The following DLC1 variants were observed in gnomAD, a reference collection of about 807,000 sequenced individuals.
DLC1 encodes the protein rho GTPase-activating protein 7.
In DLC1, 54 loss-of-function variants were observed where a neutral mutation model predicts 140.3. The observed-to-expected ratio is 0.38, with a 90% CI of 0.31 to 0.48. The LOEUF (loss-of-function observed/expected upper bound fraction) is 0.48, where lower values mean the gene tolerates loss of function less well. Among genes scored for constraint, DLC1 ranks in the 20% least tolerant of loss-of-function variants. The pLI, the probability that DLC1 is intolerant of heterozygous loss-of-function variation, is 0.96. For synonymous variants in DLC1, 986 were observed against 728.1 expected (o/e 1.35, Z -5.70); for missense variants, 2,536 against 1,907.0 (o/e 1.33, Z -6.14).
chr8:13,444,800 G>A (rs931678520), intron 2 of DLC1, among the ~76,000 whole-genome samples: 21 of 152,176 alleles, frequency 1.4e-4, no homozygotes, highest in Admixed American at 3.9e-4. Context: ...GACTATAATC[G>A]TTCAAGGAAA....
chr8:13,436,431 C>T (rs1479552159), intron 2 of DLC1, among the ~76,000 whole-genome samples: 4 of 152,124 alleles, frequency 2.6e-5, no homozygotes, highest in African/African-American at 7.2e-5. Flanking sequence ...AATGAGAAAC[C>T]TTGTTAGTGG....
intron 2 of DLC1, among the ~76,000 whole-genome samples, chr8:13,425,717 T>C (rs909289146): frequency 2.6e-5 from 4 of 152,202 alleles, no homozygotes; most frequent in Admixed American, 2.0e-4. Context: ...GTTTAATGTA[T>C]ATAAAGCAAA....
chr8:13,437,950 A>C (rs1032994377), intron 2 of DLC1, among the ~76,000 whole-genome samples: 2 of 152,140 alleles, frequency 1.3e-5, no homozygotes, highest in Admixed American at 1.3e-4. Context: ...CTAAAAAAAA[A>C]AATTGAGAAG....
chr8:13,280,584 C>A (rs1338046012), intron 5 of DLC1, among the ~76,000 whole-genome samples: 2 of 152,098 alleles, frequency 1.3e-5, no homozygotes, highest in African/African-American at 4.8e-5. Flanking sequence ...TACATTTTAT[C>A]TTACTGCAAA....
At chr8:13,492,716 T>C (rs1156788809) in intron 2 of DLC1, among the ~76,000 whole-genome samples, 1 of 152,212 alleles carries the variant, frequency 6.6e-6, no homozygotes. Context: ...TTGAAAATGC[T>C]CAATATTTAT....
intron 4 of DLC1, among the ~76,000 whole-genome samples, chr8:13,319,656 G>T (rs1036330811): frequency 1.3e-5 from 2 of 151,900 alleles, no homozygotes; most frequent in Non-Finnish European, 2.9e-5. Context: ...TTGAGACCTC[G>T]CCAGCCATGC....
chr8:13,124,401 G>A (rs1821381554), intron 5 of DLC1, among the ~76,000 whole-genome samples: 1 of 152,206 alleles, frequency 6.6e-6, no homozygotes, highest in Non-Finnish European at 1.5e-5. Flanking sequence ...GTGTTGGGAG[G>A]AATGCAGTCT....
chr8:13,317,017 C>T (rs933223743), intron 4 of DLC1, among the ~76,000 whole-genome samples: 1 of 151,984 alleles, frequency 6.6e-6, no homozygotes, highest in African/African-American at 2.4e-5. Flanking sequence ...TTATGTGAGA[C>T]ATGGACTGTA....
chr8:13,176,241 T>G (rs1825751550), intron 5 of DLC1, among the ~76,000 whole-genome samples: 1 of 152,146 alleles, frequency 6.6e-6, no homozygotes, highest in African/African-American at 2.4e-5. Flanking sequence ...ATGAAATAAG[T>G]GATTTAAATT....
At chr8:13,528,181 G>A (rs1448091927) in intron 1 of DLC1, among the ~76,000 whole-genome samples, 2 of 152,016 alleles carry the variant, frequency 1.3e-5, no homozygotes. Flanking sequence ...CTCTTAAAAA[G>A]TTCAGTGTTC....
chr8:13,483,367 A>G (rs528427683), intron 2 of DLC1, among the ~76,000 whole-genome samples: 17 of 152,296 alleles, frequency 1.1e-4, no homozygotes, highest in African/African-American at 3.9e-4. Context: ...AGGGGCCACA[A>G]TTCAATCACT....
intron 5 of DLC1, among the ~76,000 whole-genome samples, chr8:13,150,330 A>AT (rs983053841): frequency 4.6e-5 from 7 of 151,934 alleles, no homozygotes; most frequent in South Asian, 2.1e-4. Context: ...TTCAAGGTGT[A>AT]TTTTTTTTCT....
chr8:13,215,688 C>G (rs1208457731), intron 5 of DLC1, among the ~76,000 whole-genome samples: 1 of 152,138 alleles, frequency 6.6e-6, no homozygotes, highest in Non-Finnish European at 1.5e-5. Flanking sequence ...TATTGTAGAA[C>G]TATTGAAGGT....
intron 2 of DLC1, among the ~76,000 whole-genome samples, chr8:13,488,010 A>G (rs982812009): frequency 6.6e-6 from 1 of 152,250 alleles, no homozygotes; most frequent in Admixed American, 6.5e-5. Context: ...GATACTACAG[A>G]AAATTTCTAA....
chr8:13,386,371 C>T (rs561539048), intron 4 of DLC1, among the ~76,000 whole-genome samples: 33 of 152,060 alleles, frequency 2.2e-4, no homozygotes, highest in Admixed American at 1.2e-3. Flanking sequence ...AACAAGTTTG[C>T]CAGCCCCCAA....
intron 5 of DLC1, among the ~76,000 whole-genome samples, chr8:13,165,298 A>C (rs1053330250): frequency 2.6e-5 from 4 of 152,198 alleles, no homozygotes; most frequent in African/African-American, 9.7e-5. Flanking sequence ...GTTAAAAGAA[A>C]GAAGGAGATG....
intron 5 of DLC1, among the ~76,000 whole-genome samples, chr8:13,272,878 CAAAA>C (rs1830998151): frequency 6.6e-6 from 1 of 151,964 alleles, no homozygotes; most frequent in South Asian, 2.1e-4. Context: ...CGTCTCAAAA[CAAAA>C]AACAAAACAA....
chr8:13,600,033 G>T (rs1202500941), intron 1 of DLC1, among the ~76,000 whole-genome samples: 1 of 151,860 alleles, frequency 6.6e-6, no homozygotes, highest in Non-Finnish European at 1.5e-5. Context: ...TTCGTTAGTT[G>T]GAGAAGTTGA....
intron 5 of DLC1, among the ~76,000 whole-genome samples, chr8:13,136,649 C>A (rs892973221): frequency 6.6e-6 from 1 of 152,212 alleles, no homozygotes; most frequent in Admixed American, 6.5e-5. Flanking sequence ...ATCCTCTCAC[C>A]TTAGCCTCCC....
Sources: allele counts gnomAD v4.1 joint callset (sites outside exome capture counted in the v4.1 genomes callset), GRCh38; gene constraint gnomAD v4.1.1; transcripts MANE v1.5; gene names NCBI Gene and HGNC (gene_info 2026-07-23, HGNC 2026-07-21).